DDX23: variants seen among roughly 807,000 people sequenced by gnomAD.
DDX23 encodes the protein DEAD-box helicase 23, also known as probable ATP-dependent RNA helicase DDX23.
In DDX23, 33 loss-of-function variants were observed where a neutral mutation model predicts 102.7. The ratio of observed to expected loss-of-function variants is 0.32; its 90% confidence interval spans 0.24 to 0.43. The LOEUF (loss-of-function observed/expected upper bound fraction) is 0.43. Among genes scored for constraint, DDX23 ranks in the 20% least tolerant of loss-of-function variants. DDX23 has a pLI of 1.00. For synonymous variants in DDX23, 352 were observed against 376.0 expected (o/e 0.94, Z 0.74); for missense variants, 549 against 1,086.6 (o/e 0.51, Z 6.96).
chr12:48,845,485 C>T (rs1938650535), intron 2 of DDX23, 89 bp downstream of exon 2: 8 of 1,424,876 alleles, frequency 5.6e-6, no homozygotes, highest in African/African-American at 1.4e-5. Flanking sequence ...AAGTAGATGC[C>T]TAATACTGGA....
intron 11 of DDX23, 49 bp from the exon 12 acceptor site, chr12:48,834,546 C>G (rs767928063): frequency 1.9e-6 from 3 of 1,564,952 alleles, no homozygotes; most frequent in South Asian, 2.3e-5. Context: ...GGTTCTTATC[C>G]AACCACAAGC....
chr12:48,838,571 G>A (rs1159944442), intron 5 of DDX23, among the ~76,000 whole-genome samples: 2 of 151,420 alleles, frequency 1.3e-5, no homozygotes, highest in African/African-American at 2.4e-5. Flanking sequence ...AAAAAATGTG[G>A]CCGAGTGCGG....
In DDX23 at chr12:48,840,018, GCTT is replaced by G. The variant is rs1938524373; in HGVS notation, c.406_408del (p.Lys136del). On this transcript the variant is annotated inframe_deletion, in exon 4 of 17. Transcript: ENST00000308025. ...ATATCCTTCCTCTCCTTTACCTTAG[GCTT>G]CTTATCACCATGTTCATCCTCTTCA... 6.2e-7 allele frequency: 1 copy of G among 1,613,762 alleles called. No homozygotes were observed. Among genetic ancestry groups the G allele is most frequent in the Non-Finnish European group, 8.5e-7 (1 of 1,179,708 alleles).
chr12:48,844,862 T>A (rs1026965699), intron 2 of DDX23, among the ~76,000 whole-genome samples: 9 of 151,498 alleles, frequency 5.9e-5, no homozygotes, highest in African/African-American at 1.9e-4. Context: ...GTACAAAAAG[T>A]AGATGCCTAG....
chr12:48,833,760 C>T (rs1035893449), intron 12 of DDX23, among the ~76,000 whole-genome samples: 25 of 151,832 alleles, frequency 1.6e-4, no homozygotes, highest in African/African-American at 5.8e-4. Flanking sequence ...GAGGCAAAAT[C>T]AGTAGAAACT....
intron 3 of DDX23, among the ~76,000 whole-genome samples, chr12:48,842,453 G>T (rs1250821269): frequency 1.5e-5 from 2 of 135,428 alleles, no homozygotes; most frequent in African/African-American, 2.8e-5. Context: ...GGAGGTAGGG[G>T]GGTCAGCCCC....
At chr12:48,846,079 G>A (rs1253422116) in intron 1 of DDX23, among the ~76,000 whole-genome samples, 1 of 152,102 alleles carries the variant, frequency 6.6e-6, no homozygotes, top group Non-Finnish European at 1.5e-5. Context: ...TGCAATCATA[G>A]GTCACTGCAG....
rs374141637 is a variant in DDX23, at chr12:48,832,039, C to T, written c.2064+39G>A. On this transcript the variant is annotated intron_variant, in intron 15 of 16. Transcript: ENST00000308025. The surrounding 1 kb of genome is among the most constrained non-coding windows in gnomAD (Gnocchi z 4.4). ...GCCCTGCTAGATTCAGAAAGCAGTG[C>T]CACAGAGGCTAGACTTTGTTCTCCC... 27 of 1,589,984 alleles carry T rather than the reference C, an allele frequency of 1.7e-5. No individual in the cohort carries two copies. The highest frequency in any genetic ancestry group is 5.4e-5 in the African/African-American group (4 of 74,314).
At chr12:48,837,741 C>G in intron 6 of DDX23, 84 bp from the exon 7 acceptor site, 2 of 1,566,548 alleles carry the variant, frequency 1.3e-6, no homozygotes, top group East Asian at 4.5e-5. Context: ...ACGAGGAACC[C>G]CAAATGAAGA....
chr12:48,838,255 C>A (rs1256702748), intron 5 of DDX23, among the ~76,000 whole-genome samples, 175 bp from the exon 6 acceptor site: 2 of 152,202 alleles, frequency 1.3e-5, no homozygotes, highest in African/African-American at 2.4e-5. Context: ...CTACAGAATT[C>A]ATATGTTTTT....
Position 48,830,167 on chromosome 12 carries a change from A to T in DDX23, c.*302T>A, listed in dbSNP as rs761933007. The T allele has an allele frequency of 1.8e-6, 1 of 543,190 alleles. No individual in the cohort carries two copies. Among genetic ancestry groups the T allele is most frequent in the African/African-American group, 1.9e-5 (1 of 53,536 alleles). 33.6% of individuals were successfully genotyped at this position (543,190 alleles called of 1,614,324 possible). A position where few individuals can be genotyped will look rare whatever the true frequency, so the allele number is the denominator to read the frequency against. ...CTGTTCAGTCTGGGGAGCAATGCCA[A>T]CTGGCTGCCCCCATAGCCTGGCATG... On this transcript the variant is annotated 3_prime_UTR_variant, in exon 17 of 17. Transcript: ENST00000308025. This position sits in a 1 kb window ranked among gnomAD's most constrained non-coding sequence, Gnocchi z 4.9.
chr12:48,839,422 T>C (rs1175396974), intron 5 of DDX23: 1 of 157,934 alleles, frequency 6.3e-6, no homozygotes, highest in Non-Finnish European at 1.4e-5. Flanking sequence ...AGCTGGACGT[T>C]GTGGCACGCA....
intron 3 of DDX23, among the ~76,000 whole-genome samples, chr12:48,840,487 A>G (rs1249628736): frequency 1.3e-5 from 2 of 151,778 alleles, no homozygotes; most frequent in Non-Finnish European, 2.9e-5. Flanking sequence ...CCTGGCCAAC[A>G]TGGCAAAACC....
At position 48,832,299 on chromosome 12, in the gene DDX23, C is replaced by T. The variant is rs1938401432; in HGVS notation, c.1956-113G>A. On this transcript the variant is annotated intron_variant, in intron 14 of 16. Coordinates refer to ENST00000308025, the MANE Select transcript of DDX23 (RefSeq NM_004818.3). The surrounding 1 kb of genome is among the most constrained non-coding windows in gnomAD (Gnocchi z 4.4). ...GGTCTTTAATGCCCATGACATTCTG[C>T]CCAAGAAAACAGCAGCTCTTCAACA... is the stretch of plus-strand genomic sequence containing the variant. 1 of 1,548,458 alleles carries T rather than the reference C, an allele frequency of 6.5e-7. No individual in the cohort carries two copies.
intron 11 of DDX23, among the ~76,000 whole-genome samples, chr12:48,835,846 G>C (rs573399791): frequency 6.6e-6 from 1 of 152,088 alleles, no homozygotes; most frequent in Non-Finnish European, 1.5e-5. Context: ...AGCTGAGATC[G>C]TGCCACTGCA....
Position 48,832,593 on chromosome 12 carries a change from A to G in DDX23, c.1804-20T>C, listed in dbSNP as rs1373235629. ...GACTGTCTACGAAAACAGGAGGCTC[A>G]GCCCTGCACCCAGGCAGGAATAATC... On this transcript the variant is annotated intron_variant, in intron 13 of 16. Transcript: ENST00000308025. This position sits in a 1 kb window ranked among gnomAD's most constrained non-coding sequence, Gnocchi z 4.4. 1.9e-6 allele frequency: 3 copies of G among 1,610,556 alleles called. No individual in the cohort carries two copies. Among genetic ancestry groups the G allele is most frequent in the Admixed American group, 1.7e-5 (1 of 59,854 alleles).
chr12:48,834,337 G>C lies in DDX23; in HGVS notation c.1543C>G (p.Leu515Val). 6.2e-7 allele frequency: 1 copy of C among 1,613,860 alleles called. No individual in the cohort carries two copies. Among genetic ancestry groups the C allele is most frequent in the Non-Finnish European group, 8.5e-7 (1 of 1,179,912 alleles). The change falls in exon 12 of 17, where the codon CTG becomes GTG. Residue 515 changes from leucine to valine, a missense_variant. Physicochemically the swap from Leu to Val is conservative, Grantham distance 32. Transcript: ENST00000308025. ...GISREDQGFRLRMGCEIVIAT... is the reference protein window; with the variant it reads ...GISREDQGFRVRMGCEIVIAT... Reference sequence around the variant, plus strand: ...AAACAAACCTCACAACCCATGCGCAGCCTGAAGCCCTGGTCTTCTCTGGAG... The same window carrying C: ...AAACAAACCTCACAACCCATGCGCACCCTGAAGCCCTGGTCTTCTCTGGAG...
At position 48,836,663 on chromosome 12, in the gene DDX23, G is replaced by A; in HGVS notation, c.1142C>T (p.Thr381Ile). Residue 381 changes from threonine (T) to isoleucine (I), a missense_variant, in exon 10 of 17, where the codon ACC becomes ATC. Physicochemically the swap from Thr to Ile is moderately conservative, Grantham distance 89. This residue lies in a region of DDX23 where 270 missense variants were observed against 707.0 expected (regional missense o/e 0.38). Transcript: ENST00000308025. The surrounding 1 kb of genome is among the most constrained non-coding windows in gnomAD (Gnocchi z 6.1). ...RIFREDYSIT[T>I]KGGKIPNPIR... ...GGGATTGGGGATCTTGCCACCTTTG[G>A]TGGTGATGCTGTAGTCCTCACGGAA... 6.2e-7 allele frequency: 1 copy of A among 1,614,196 alleles called. No homozygotes were observed. The highest frequency in any genetic ancestry group is 2.2e-5 in the East Asian group (1 of 44,878).
intron 11 of DDX23, among the ~76,000 whole-genome samples, chr12:48,835,403 T>C (rs1467630733): frequency 1.3e-5 from 2 of 151,970 alleles, no homozygotes; most frequent in Non-Finnish European, 2.9e-5. Flanking sequence ...TGAAACCTCA[T>C]CTCTACTAAA....
Sources: allele counts gnomAD v4.1 joint callset (sites outside exome capture counted in the v4.1 genomes callset), GRCh38; gene constraint gnomAD v4.1.1; regional missense constraint gnomAD v4.1.1; non-coding constraint Gnocchi (gnomAD v3.1); transcripts MANE v1.5; gene names NCBI Gene and HGNC (gene_info 2026-07-23, HGNC 2026-07-21).